ZNF287: variants seen among roughly 807,000 people sequenced by gnomAD.
ZNF287 encodes zinc finger protein 287.
ZNF287 carries 31 observed loss-of-function variants against 73.7 expected under a neutral mutation model. The ratio of observed to expected loss-of-function variants is 0.42; its 90% CI spans 0.32 to 0.57. The LOEUF is 0.57. Ranked by LOEUF, ZNF287 falls within the 20% of genes least tolerant of loss-of-function variation. The pLI, the probability that ZNF287 is intolerant of heterozygous loss-of-function variation, is 0.13. For missense variants in ZNF287, 641 were observed against 909.3 expected, an observed-to-expected ratio of 0.70 and a Z score of 3.79; for synonymous variants, 301 against 307.2, an observed-to-expected ratio of 0.98 and a Z score of 0.21.
At chr17:16,560,402 T>A (rs1234967433) in intron 5 of ZNF287, among the ~76,000 whole-genome samples, 1 of 149,862 alleles carries the variant, frequency 6.7e-6, no homozygotes, top group East Asian at 2.0e-4. Flanking sequence ...CAGGCTGGAG[T>A]GCAGTGGCAC....
At position 16,553,340 on chromosome 17, in the gene ZNF287, C is replaced by T. The variant is rs1463278675; in HGVS notation, c.802G>A (p.Asp268Asn). The stretch of plus-strand genomic sequence containing the variant: ...AGTCTATCATCGTAGTCATATGAGT[C>T]TTCTAATTTGATGGTATGGGTTTCT... ...KEETHTIKLE[D>N]SYDYDDRLER... The change falls in exon 6 of 6, where the codon GAC (aspartate) becomes AAC (asparagine). Residue 268 changes from aspartate to asparagine, a missense_variant. By Grantham distance (23) the Asp-to-Asn change is conservative (BLOSUM62 1). Transcript: ENST00000395825. The T allele has an allele frequency of 6.2e-7, 1 of 1,613,060 alleles. No individual in the cohort carries two copies. Among genetic ancestry groups the T allele is most frequent in the Non-Finnish European group, 8.5e-7 (1 of 1,179,470 alleles).
intron 5 of ZNF287, among the ~76,000 whole-genome samples, chr17:16,556,113 A>G (rs951100797): frequency 4.6e-5 from 7 of 151,808 alleles, no homozygotes; most frequent in African/African-American, 1.7e-4. Context: ...AAAAATGTAG[A>G]GCAAGATCCT....
At chr17:16,555,848 T>C (rs545690079) in intron 5 of ZNF287, among the ~76,000 whole-genome samples, 1 of 152,190 alleles carries the variant, frequency 6.6e-6, no homozygotes, top group Non-Finnish European at 1.5e-5. Context: ...TAATCAAATA[T>C]GGAATTTATA....
intron 5 of ZNF287, among the ~76,000 whole-genome samples, chr17:16,557,154 C>T (rs1022864010): frequency 2.0e-5 from 3 of 152,060 alleles, no homozygotes; most frequent in African/African-American, 7.2e-5. Context: ...CCGATAAACG[C>T]ACATTTTAAA....
At chr17:16,560,829 CCG>C (rs1907402808) in intron 5 of ZNF287, among the ~76,000 whole-genome samples, 1 of 149,662 alleles carries the variant, frequency 6.7e-6, no homozygotes, top group Non-Finnish European at 1.5e-5. Flanking sequence ...TGGTGAAACC[CCG>C]TCTCTACTAA....
Position 16,548,643 on chromosome 17 carries a change from C to A in ZNF287, c.*3213G>T, listed in dbSNP as rs1906432172. Among the ~76,000 whole-genome samples, 1 of 151,916 alleles carries A rather than the reference C, an allele frequency of 6.6e-6. No homozygotes were observed. The highest frequency in any genetic ancestry group is 1.5e-5 in the Non-Finnish European group (1 of 67,970). ...AAACCCCATCTCTACTAAAAAAATA[C>A]AAAGAAATTAGCCGGGCGTGGTGGC... On this transcript the variant is annotated 3_prime_UTR_variant, in exon 6 of 6. Transcript: ENST00000395825.
In ZNF287 at chr17:16,563,200, T is replaced by G; in HGVS notation, c.661A>C (p.Ile221Leu). 6.2e-7 allele frequency: 1 copy of G among 1,613,788 alleles called. No homozygotes were observed. Among genetic ancestry groups the G allele is most frequent in the Non-Finnish European group, 8.5e-7 (1 of 1,179,784 alleles). Residue 221 changes from isoleucine to leucine, a missense_variant, in exon 5 of 6, where the codon ATA (isoleucine) becomes CTA (leucine). Around this residue, in one of 2 missense-constraint regions of ZNF287, gnomAD observed 357 missense variants for 442.4 expected, o/e 0.81. Coordinates refer to ENST00000395825, the MANE Select transcript of ZNF287 (RefSeq NM_020653.4). The part of the protein sequence containing the change: ...LTVYRPTVIP[I>L]LEEPWMVIKE... The stretch of plus-strand genomic sequence containing the variant: ...ATCACCATCCATGGTTCTTCCAATA[T>G]GGGAATCACAGTTGGTCTGTACACT...
Position 16,547,809 on chromosome 17 carries a change from G to C in ZNF287, c.*4047C>G, listed in dbSNP as rs923163917. Among the ~76,000 whole-genome samples, 1 of 152,198 alleles carries C rather than the reference G, an allele frequency of 6.6e-6. No homozygotes were observed. Among genetic ancestry groups the C allele is most frequent in the Admixed American group, 6.5e-5 (1 of 15,286 alleles). ...GGCAATCAAGTGTCCAAAGACTAGAGAGTGAATGTCAAAAGGACATAAGAG... is the reference window on the plus strand; with the variant it reads ...GGCAATCAAGTGTCCAAAGACTAGACAGTGAATGTCAAAAGGACATAAGAG... On this transcript the variant is annotated 3_prime_UTR_variant, in exon 6 of 6. Coordinates refer to ENST00000395825, the MANE Select transcript of ZNF287 (RefSeq NM_020653.4).
chr17:16,566,013 A>G (rs987580978), intron 3 of ZNF287, among the ~76,000 whole-genome samples: 6 of 152,148 alleles, frequency 3.9e-5, no homozygotes, highest in Non-Finnish European at 8.8e-5. Context: ...TTCATGACCA[A>G]CAGTAATATG....
rs1907544676 is a variant in ZNF287, at chr17:16,563,138, T to G, written c.715+8A>C. ...TACAAAGAAGCTCATGCGCTTTTTG[T>G]TTCTCACCTGGACTAGGGCCTTCTA... On this transcript the variant is annotated splice_region_variant and intron_variant, in intron 5 of 5. Coordinates refer to ENST00000395825, the MANE Select transcript of ZNF287 (RefSeq NM_020653.4). 6.3e-7 allele frequency: 1 copy of G among 1,597,606 alleles called. No homozygotes were observed. Among genetic ancestry groups the G allele is most frequent in the Admixed American group, 1.7e-5 (1 of 57,350 alleles).
At chr17:16,563,657 T>A in intron 4 of ZNF287, 42 bp downstream of exon 4, 1 of 1,577,402 alleles carries the variant, frequency 6.3e-7, no homozygotes. Flanking sequence ...CCATTTTTAA[T>A]GGGAACAGGC....
At chr17:16,562,990 C>A (rs1434285223) in intron 5 of ZNF287, among the ~76,000 whole-genome samples, 156 bp downstream of exon 5, 1 of 152,182 alleles carries the variant, frequency 6.6e-6, no homozygotes, top group Non-Finnish European at 1.5e-5. Flanking sequence ...CCTGAAGAGG[C>A]CTCTGTAAGG....
chr17:16,568,002 C>A lies in ZNF287; in HGVS notation c.-198-73G>T, dbSNP rs993807769. ...TACTATACATATACACACACAGAAA[C>A]AGACTCGCAGTGTGCATAGATGAAC... is the stretch of plus-strand genomic sequence containing the variant. On this transcript the variant is annotated intron_variant, in intron 1 of 5. Coordinates refer to ENST00000395825, the MANE Select transcript of ZNF287 (RefSeq NM_020653.4). 2.7e-5 allele frequency: 34 copies of A among 1,241,372 alleles called. No individual in the cohort carries two copies. The South Asian group carries it at 5.0e-4, about 18-fold the overall frequency. The allele number at this position is 1,241,372 out of a possible 1,614,324, so 76.9% of individuals were successfully genotyped here.
In ZNF287 at chr17:16,548,272, T is replaced by G. The variant is rs1906401234; in HGVS notation, c.*3584A>C. 6.6e-6 allele frequency among the ~76,000 whole-genome samples: 1 copy of G among 152,070 alleles called. No homozygotes were observed. The highest frequency in any genetic ancestry group is 1.5e-5 in the Non-Finnish European group (1 of 68,012). ...GGAAGATCTGGTGACCTCAAATGAG[T>G]GATCCATTGATAATGAGTCAACCTG... is the stretch of plus-strand genomic sequence containing the variant. On this transcript the variant is annotated 3_prime_UTR_variant, in exon 6 of 6. Transcript: ENST00000395825.
chr17:16,559,514 C>A (rs946175077), intron 5 of ZNF287, among the ~76,000 whole-genome samples: 10 of 151,436 alleles, frequency 6.6e-5, no homozygotes, highest in African/African-American at 2.4e-4. Flanking sequence ...AATGGAATAT[C>A]CTTGTGGTGT....
At position 16,567,710 on chromosome 17, in the gene ZNF287, T is replaced by A; in HGVS notation, c.22A>T (p.Met8Leu). ...ATTTGAGAACGTGAAGAACTGTTCA[T>A]CCTCTTGCTTGAGGCTAACATTGCT... is the stretch of plus-strand genomic sequence containing the variant. The part of the protein sequence containing the change: MLASSKR[M>L]NSSSRSQILL... The change falls in exon 2 of 6, where the codon ATG (methionine) becomes TTG (leucine). Residue 8 changes from methionine (M) to leucine (L), a missense_variant. By Grantham distance (15) the Met-to-Leu change is conservative (BLOSUM62 2). Around this residue, in one of 2 missense-constraint regions of ZNF287, gnomAD observed 357 missense variants for 442.4 expected, o/e 0.81. Transcript: ENST00000395825. The A allele has an allele frequency of 6.2e-7, 1 of 1,611,544 alleles. No homozygotes were observed. Among genetic ancestry groups the A allele is most frequent in the South Asian group, 1.1e-5 (1 of 90,900 alleles).
chr17:16,557,385 CAA>C (rs1201829877), intron 5 of ZNF287, among the ~76,000 whole-genome samples: 1 of 151,942 alleles, frequency 6.6e-6, no homozygotes, highest in African/African-American at 2.4e-5. Context: ...CAAAGAATGG[CAA>C]AGTACTGTAT....
chr17:16,564,039 T>G (rs539628565), intron 3 of ZNF287, among the ~76,000 whole-genome samples: 1 of 152,270 alleles, frequency 6.6e-6, no homozygotes, highest in South Asian at 2.1e-4. Context: ...AGATCAGAAT[T>G]TATTTTCACT....
In ZNF287 at chr17:16,550,033, G is replaced by C. The variant is rs1010742499; in HGVS notation, c.*1823C>G. On this transcript the variant is annotated 3_prime_UTR_variant, in exon 6 of 6. Coordinates refer to ENST00000395825, the MANE Select transcript of ZNF287 (RefSeq NM_020653.4). ...TGCAAGGGACTGGAGAAACAAGTAA[G>C]AGCACAATGAAATCTCAGTTCTCAG... Among the ~76,000 whole-genome samples, 1 of 152,182 alleles carries C rather than the reference G, an allele frequency of 6.6e-6. No individual in the cohort carries two copies.
Sources: gnomAD v4.1 joint callset for allele counts (sites outside exome capture counted in the v4.1 genomes callset) on GRCh38, gnomAD v4.1.1 for gene constraint, gnomAD v4.1.1 regional missense constraint, MANE v1.5 for transcripts, NCBI Gene and HGNC (gene_info 2026-07-23, HGNC 2026-07-21) for gene names.